The following CNTNAP2 variants were observed in gnomAD, a reference collection of about 807,000 sequenced individuals.
CNTNAP2 encodes the protein contactin associated protein 2.
Under a neutral mutation model 155.2 loss-of-function variants are expected in CNTNAP2, and 98 were observed. The ratio of observed to expected loss-of-function variants is 0.63; its 90% CI spans 0.54 to 0.75. The LOEUF (loss-of-function observed/expected upper bound fraction) is 0.75, where lower values mean the gene tolerates loss of function less well. Ranked by LOEUF, CNTNAP2 falls within the 30% of genes least tolerant of loss-of-function variation. CNTNAP2 has a pLI of 0.00. For synonymous variants in CNTNAP2, 651 were observed against 631.2 expected, an observed-to-expected ratio of 1.03 and a Z score of -0.47; for missense variants, 1,727 against 1,688.1, an observed-to-expected ratio of 1.02 and a Z score of -0.40.
At chr7:146,172,722 T>C (rs1189618834) in intron 1 of CNTNAP2, among the ~76,000 whole-genome samples, 2 of 152,212 alleles carry the variant, frequency 1.3e-5, no homozygotes, top group Non-Finnish European at 1.5e-5. Context: ...CCATGTGTAG[T>C]ACAGTGTTAA....
rs1039363808 is a variant in CNTNAP2, at chr7:147,070,858, T to C, written c.550+26804T>C. 2.0e-5 allele frequency among the ~76,000 whole-genome samples: 3 copies of C among 152,250 alleles called. No individual in the cohort carries two copies. The South Asian group carries it at 6.2e-4, about 32-fold the overall frequency. On this transcript the variant is annotated intron_variant, in intron 4 of 23. Coordinates refer to ENST00000361727, the MANE Select transcript of CNTNAP2 (RefSeq NM_014141.6). ...GCTTCTCATTTACGATGGAAATGTA[T>C]CAGAACATGATTTAAAACTAAATAG...
At chr7:146,862,564 T>A (rs1183922330) in intron 3 of CNTNAP2, among the ~76,000 whole-genome samples, 1 of 152,190 alleles carries the variant, frequency 6.6e-6, no homozygotes, top group Non-Finnish European at 1.5e-5. Flanking sequence ...TGAGAACTAA[T>A]CTTTATGCAT....
chr7:146,651,892 C>T (rs997416112), intron 1 of CNTNAP2, among the ~76,000 whole-genome samples: 14 of 152,036 alleles, frequency 9.2e-5, no homozygotes, highest in African/African-American at 3.4e-4. Context: ...AAAACCTTTT[C>T]AAGTAACAGA....
chr7:147,890,564 A>G (rs1799672981), intron 13 of CNTNAP2, among the ~76,000 whole-genome samples: 1 of 152,234 alleles, frequency 6.6e-6, no homozygotes, highest in African/African-American at 2.4e-5. Context: ...AGCATTATTG[A>G]TAGTAGCCCA....
chr7:146,145,321 A>G (rs916687410), intron 1 of CNTNAP2, among the ~76,000 whole-genome samples: 5 of 152,178 alleles, frequency 3.3e-5, no homozygotes, highest in African/African-American at 1.2e-4. Flanking sequence ...TTTAGCTAGA[A>G]TGATGGCACC....
chr7:146,667,097 C>A (rs1800208977), intron 1 of CNTNAP2, among the ~76,000 whole-genome samples: 1 of 152,006 alleles, frequency 6.6e-6, no homozygotes, highest in Non-Finnish European at 1.5e-5. Context: ...CTCTTTGCCT[C>A]CAGAGATCTT....
intron 1 of CNTNAP2, among the ~76,000 whole-genome samples, chr7:146,745,641 C>T (rs1801796482): frequency 6.6e-6 from 1 of 151,946 alleles, no homozygotes; most frequent in African/African-American, 2.4e-5. Flanking sequence ...GTGGTGCACA[C>T]CTGTAATCCC....
In CNTNAP2 at chr7:148,292,537, G is replaced by C. The variant is rs115282165; in HGVS notation, c.3475+25411G>C. Among the ~76,000 whole-genome samples, 1,103 of 152,252 alleles carry C rather than the reference G, an allele frequency of 7.2e-3. 11 individuals carry two copies. Among genetic ancestry groups the C allele is most frequent in the African/African-American group, 0.025 (1,057 of 41,532 alleles). Reference sequence around the variant, plus strand: ...TGCTGAAGCCACCAGCAGAGCTTAGGGGACAAAAACAACTGTTTCCTAAGA... The same window carrying C: ...TGCTGAAGCCACCAGCAGAGCTTAGCGGACAAAAACAACTGTTTCCTAAGA... On this transcript the variant is annotated intron_variant, in intron 21 of 23. Transcript: ENST00000361727.
chr7:147,590,294 C>T (rs893213542), intron 12 of CNTNAP2, among the ~76,000 whole-genome samples: 1 of 152,058 alleles, frequency 6.6e-6, no homozygotes, highest in Non-Finnish European at 1.5e-5. Flanking sequence ...TGTGTCCCCA[C>T]CCAAATCTCA....
intron 11 of CNTNAP2, among the ~76,000 whole-genome samples, chr7:147,507,728 AT>A (rs976226588): frequency 6.6e-6 from 1 of 150,748 alleles, no homozygotes; most frequent in East Asian, 2.0e-4. Context: ...AATTTTTTGT[AT>A]TTTTTAGTAG....
intron 11 of CNTNAP2, 64 bp downstream of exon 11, chr7:147,486,105 G>T: frequency 7.1e-7 from 1 of 1,399,052 alleles, no homozygotes; most frequent in Admixed American, 1.7e-5. Context: ...CTTGAGCTGT[G>T]CTTTGAAGCT....
chr7:146,389,130 T>C (rs1197356934), intron 1 of CNTNAP2, among the ~76,000 whole-genome samples: 1 of 152,150 alleles, frequency 6.6e-6, no homozygotes, highest in African/African-American at 2.4e-5. Context: ...GTGATTATTA[T>C]ATTCGCAAAA....
At chr7:148,262,404 C>A (rs1487571628) in intron 20 of CNTNAP2, among the ~76,000 whole-genome samples, 1 of 152,194 alleles carries the variant, frequency 6.6e-6, no homozygotes, top group East Asian at 1.9e-4. Context: ...CTTAAAACAA[C>A]ATGCATTTAC....
At chr7:146,979,858 A>G (rs1797980478) in intron 3 of CNTNAP2, among the ~76,000 whole-genome samples, 2 of 152,240 alleles carry the variant, frequency 1.3e-5, no homozygotes, top group Admixed American at 1.3e-4. Flanking sequence ...AGTAAAATAT[A>G]AATCAGATGA....
chr7:146,547,175 A>G (rs1798041922), intron 1 of CNTNAP2, among the ~76,000 whole-genome samples: 1 of 151,950 alleles, frequency 6.6e-6, no homozygotes. Context: ...GTTTTGCATA[A>G]GAGTCTGGTA....
At chr7:146,828,107 C>T (rs1263278080) in intron 2 of CNTNAP2, among the ~76,000 whole-genome samples, 1 of 151,810 alleles carries the variant, frequency 6.6e-6, no homozygotes, top group Non-Finnish European at 1.5e-5. Context: ...CTAAAAGAAA[C>T]CCTGAGTAGC....
intron 1 of CNTNAP2, among the ~76,000 whole-genome samples, chr7:146,213,889 A>G (rs1203220608): frequency 1.3e-5 from 2 of 152,020 alleles, no homozygotes; most frequent in South Asian, 2.1e-4. Context: ...CATGGCATTA[A>G]TTTTTCTGCC....
At chr7:146,617,912 G>A (rs556490396) in intron 1 of CNTNAP2, among the ~76,000 whole-genome samples, 1 of 152,042 alleles carries the variant, frequency 6.6e-6, no homozygotes, top group African/African-American at 2.4e-5. Flanking sequence ...TGAGTGTACT[G>A]CCTCAATTCA....
intron 2 of CNTNAP2, among the ~76,000 whole-genome samples, chr7:146,784,773 T>G (rs1802546039): frequency 6.6e-6 from 1 of 152,198 alleles, no homozygotes; most frequent in Admixed American, 6.5e-5. Context: ...ACTGGGCTCT[T>G]ACAGATTCTT....
Sources: allele counts gnomAD v4.1 joint callset (sites outside exome capture counted in the v4.1 genomes callset), GRCh38; gene constraint gnomAD v4.1.1; transcripts MANE v1.5; gene names NCBI Gene and HGNC (gene_info 2026-07-23, HGNC 2026-07-21).